COL19A1: variants seen among roughly 807,000 people sequenced by gnomAD.
COL19A1 encodes the protein collagen type XIX alpha 1 chain.
In COL19A1, 159 loss-of-function variants were observed where a neutral mutation model predicts 190.2. The observed-to-expected ratio is 0.84, with a 90% CI of 0.73 to 0.95. COL19A1 has a LOEUF of 0.95. Among genes scored for constraint, COL19A1 ranks in the 40% least tolerant of loss-of-function variants. COL19A1 has a pLI of 0.00. For synonymous variants in COL19A1, 509 were observed against 458.9 expected (o/e 1.11, Z -1.39); for missense variants, 1,418 against 1,431.9 (o/e 0.99, Z 0.16).
chr6:69,867,273 C>A, intron 1 of COL19A1: 1 of 153,026 alleles, frequency 6.5e-6, no homozygotes, highest in South Asian at 2.0e-4. Flanking sequence ...GCGGGGATTC[C>A]CGGACTCCAG....
At chr6:70,174,563 A>T (rs933933447) in intron 41 of COL19A1, among the ~76,000 whole-genome samples, 8 of 152,072 alleles carry the variant, frequency 5.3e-5, no homozygotes, top group Non-Finnish European at 1.0e-4. Context: ...CCGTCTCAAA[A>T]AAAAAAAACA....
At chr6:70,008,504 A>T (rs757558516) in intron 11 of COL19A1, among the ~76,000 whole-genome samples, 108 of 151,958 alleles carry the variant, frequency 7.1e-4, no homozygotes, top group Non-Finnish European at 3.7e-4. Flanking sequence ...AAATAGAAGA[A>T]TTGTATAGTC....
intron 41 of COL19A1, among the ~76,000 whole-genome samples, chr6:70,174,564 A>C (rs1156230216): frequency 3.3e-5 from 5 of 152,114 alleles, no homozygotes; most frequent in African/African-American, 1.2e-4. Flanking sequence ...CGTCTCAAAA[A>C]AAAAAAACAA....
At chr6:70,001,265 A>C (rs1777247127) in intron 11 of COL19A1, among the ~76,000 whole-genome samples, 1 of 152,110 alleles carries the variant, frequency 6.6e-6, no homozygotes, top group East Asian at 1.9e-4. Context: ...TGTTTTGGTT[A>C]CTGTAGCTTT....
intron 9 of COL19A1, among the ~76,000 whole-genome samples, chr6:69,957,285 A>G (rs1774478652): frequency 6.6e-6 from 1 of 152,126 alleles, no homozygotes; most frequent in Non-Finnish European, 1.5e-5. Context: ...TCAGTTTTTC[A>G]GAAAGCAACC....
chr6:69,912,937 A>G (rs959458111), intron 4 of COL19A1, among the ~76,000 whole-genome samples: 2 of 152,058 alleles, frequency 1.3e-5, no homozygotes, highest in African/African-American at 4.8e-5. Flanking sequence ...AATACAAAAA[A>G]GTTAGCCAGG....
chr6:69,885,389 T>A (rs1287994005), intron 2 of COL19A1, among the ~76,000 whole-genome samples: 1 of 152,200 alleles, frequency 6.6e-6, no homozygotes, highest in Non-Finnish European at 1.5e-5. Context: ...ATATTTGAGG[T>A]CTATAGCATA....
intron 15 of COL19A1, among the ~76,000 whole-genome samples, chr6:70,092,697 T>C (rs1347079777): frequency 1.3e-5 from 2 of 152,198 alleles, no homozygotes; most frequent in Admixed American, 6.6e-5. Flanking sequence ...GACTGCAAAA[T>C]GTAGTTCTGT....
intron 14 of COL19A1, among the ~76,000 whole-genome samples, chr6:70,046,997 C>A (rs552819719): frequency 6.6e-6 from 1 of 151,982 alleles, no homozygotes; most frequent in Non-Finnish European, 1.5e-5. Flanking sequence ...AAAAATATCA[C>A]CAAATCACAT....
At chr6:70,085,603 G>A (rs1582874911) in intron 15 of COL19A1, among the ~76,000 whole-genome samples, 1 of 152,140 alleles carries the variant, frequency 6.6e-6, no homozygotes, top group Non-Finnish European at 1.5e-5. Flanking sequence ...AACATAGGTT[G>A]ACATGGTACT....
At position 70,077,479 on chromosome 6, in the gene COL19A1, A is replaced by G. The variant is rs1781947854; in HGVS notation, c.1224+9003A>G. Among the ~76,000 whole-genome samples the G allele has an allele frequency of 2.0e-5, 3 of 152,136 alleles. No individual in the cohort carries two copies. The South Asian group carries it at 6.2e-4, about 32-fold the overall frequency. On this transcript the variant is annotated intron_variant, in intron 15 of 50. Coordinates refer to ENST00000620364, the MANE Select transcript of COL19A1 (RefSeq NM_001858.6). The stretch of plus-strand genomic sequence containing the variant: ...TACTTGGACTTTTTTTGTGTGAATT[A>G]TTGTAGATTAATTTGATATTTATTT...
At position 69,954,988 on chromosome 6, in the gene COL19A1, C is replaced by T. The variant is rs1774326296; in HGVS notation, c.937-5008C>T. 2.0e-5 allele frequency among the ~76,000 whole-genome samples: 3 copies of T among 152,124 alleles called. No individual in the cohort carries two copies. The South Asian group carries it at 6.2e-4, about 31-fold the overall frequency. On this transcript the variant is annotated intron_variant, in intron 9 of 50. Coordinates refer to ENST00000620364, the MANE Select transcript of COL19A1 (RefSeq NM_001858.6). ...GATGACACTGTCCTTCTCTTTATAT[C>T]TTAAATCATCTTTCACTTGTTAGAA...
chr6:70,065,505 C>T (rs914854900), intron 14 of COL19A1, among the ~76,000 whole-genome samples: 1 of 152,120 alleles, frequency 6.6e-6, no homozygotes, highest in African/African-American at 2.4e-5. Context: ...CATAAAAACC[C>T]TAGAAGAAAA....
intron 14 of COL19A1, chr6:70,059,611 G>A (rs911505111): frequency 7.7e-6 from 2 of 260,950 alleles, no homozygotes; most frequent in African/African-American, 4.6e-5. Flanking sequence ...TGGTTAGCTG[G>A]CTTGGACTAT....
intron 16 of COL19A1, among the ~76,000 whole-genome samples, chr6:70,118,769 C>T (rs1009879085): frequency 6.6e-5 from 10 of 151,884 alleles, no homozygotes; most frequent in African/African-American, 2.4e-4. Context: ...TAATAACGTT[C>T]AACCTTTTCT....
At chr6:70,027,576 T>C (rs1778796381) in intron 12 of COL19A1, among the ~76,000 whole-genome samples, 1 of 151,620 alleles carries the variant, frequency 6.6e-6, no homozygotes, top group South Asian at 2.1e-4. Flanking sequence ...TGTGTGTGTG[T>C]GTGTTTGTAT....
chr6:70,189,511 C>T (rs565314760), intron 47 of COL19A1, among the ~76,000 whole-genome samples: 3 of 152,030 alleles, frequency 2.0e-5, no homozygotes, highest in African/African-American at 7.2e-5. Flanking sequence ...ACACATATAC[C>T]CCTGGATAAT....
chr6:69,887,574 G>T (rs929009751), intron 2 of COL19A1, among the ~76,000 whole-genome samples: 1 of 152,116 alleles, frequency 6.6e-6, no homozygotes. Context: ...TTTCACCAAG[G>T]TAGCCACTAC....
rs961929184 is a variant in COL19A1 at position 69,879,592 on chromosome 6, C to T, written c.25C>T (p.Leu9Phe). Residue 9 changes from leucine (L) to phenylalanine (F), a missense_variant, in exon 2 of 51, where the codon CTT (leucine) becomes TTT (phenylalanine). Transcript: ENST00000620364. ...AATGAGACTCACTGGCCCTTGGAAA[C>T]TTTGGCTTTGGATGTCAATATTTCT... MRLTGPWK[L>F]WLWMSIFLLP... The T allele has an allele frequency of 6.2e-7, 1 of 1,614,020 alleles. No individual in the cohort carries two copies. The highest frequency in any genetic ancestry group is 8.5e-7 in the Non-Finnish European group (1 of 1,180,002).
Sources: gnomAD v4.1 joint callset for allele counts (sites outside exome capture counted in the v4.1 genomes callset) on GRCh38, gnomAD v4.1.1 for gene constraint, MANE v1.5 for transcripts, NCBI Gene and HGNC (gene_info 2026-07-23, HGNC 2026-07-21) for gene names.